AATK: variants seen among roughly 807,000 people sequenced by gnomAD.
AATK encodes lemur tail kinase 1, also known as serine/threonine-protein kinase LMTK1.
AATK carries 91 observed loss-of-function variants against 114.3 expected under a neutral mutation model. That is an observed-to-expected ratio of 0.80 (90% CI 0.67 to 0.95). The LOEUF (loss-of-function observed/expected upper bound fraction) is 0.95, where lower values mean the gene tolerates loss of function less well. Among genes scored for constraint, AATK ranks in the 40% least tolerant of loss-of-function variants. AATK has a pLI of 0.00. For missense variants in AATK, 2,176 were observed against 1,965.2 expected (o/e 1.11, Z -2.03); for synonymous variants, 1,075 against 916.5 (o/e 1.17, Z -3.12).
chr17:81,149,235 AC>A (rs2061263597), intron 1 of AATK, among the ~76,000 whole-genome samples: 1 of 151,464 alleles, frequency 6.6e-6, no homozygotes, highest in Non-Finnish European at 1.5e-5. Context: ...CCCTTCCCTG[AC>A]CCCAGCACAT....
chr17:81,157,332 G>GCA (rs1255321787), intron 1 of AATK, among the ~76,000 whole-genome samples: 2 of 152,222 alleles, frequency 1.3e-5, no homozygotes, highest in Non-Finnish European at 2.9e-5. Context: ...ACCAGCCCAT[G>GCA]CACACGCTCG....
rs563590095 is a variant in AATK at position 81,128,520 on chromosome 17, G to A, written c.364C>T (p.Arg122Trp). ...VQLLKSTDVGRHSLLYLKEIG... is the reference protein window; with the variant it reads ...VQLLKSTDVGWHSLLYLKEIG... ...TCCTTCAGGTACAGGAGGCTGTGCC[G>A]GCCCACGTCTGTGGACTTGAGGAGC... The change falls in exon 4 of 14, where the codon CGG becomes TGG. Residue 122 changes from arginine to tryptophan, a missense_variant. Transcript: ENST00000326724. 58 of 1,549,322 alleles carry A rather than the reference G, an allele frequency of 3.7e-5. No homozygotes were observed. Among genetic ancestry groups the A allele is most frequent in the Non-Finnish European group, 4.7e-5 (54 of 1,146,904 alleles).
intron 1 of AATK, among the ~76,000 whole-genome samples, chr17:81,153,782 A>G (rs2061327126): frequency 6.6e-6 from 1 of 152,180 alleles, no homozygotes; most frequent in South Asian, 2.1e-4. Context: ...TCACAGAAGA[A>G]TTTCAAAAAG....
chr17:81,131,456 A>T (rs559443449), intron 2 of AATK, among the ~76,000 whole-genome samples: 1 of 152,300 alleles, frequency 6.6e-6, no homozygotes, highest in Non-Finnish European at 1.5e-5. Flanking sequence ...GAGGGGCCAG[A>T]GGCAGATCCC....
In AATK at chr17:81,122,619, C is replaced by T. The variant is rs2060714133; in HGVS notation, c.1317G>A (p.Val439=). Residue 439 remains valine (V), a synonymous_variant, in exon 11 of 14, where the codon GTG becomes GTA. Coordinates refer to ENST00000326724, the MANE Select transcript of AATK (RefSeq NM_001080395.3). ...GAAGPMLGGV[V]ELAAASSFPL... is the part of the protein sequence containing the mutation. ...GGAAGGACGAGGCAGCGGCGAGCTCCACCACGCCGCCCAGCATGGGCCCCG... is the reference window on the plus strand; with the variant it reads ...GGAAGGACGAGGCAGCGGCGAGCTCTACCACGCCGCCCAGCATGGGCCCCG... 7.0e-7 allele frequency: 1 copy of T among 1,419,648 alleles called. No individual in the cohort carries two copies. The highest frequency in any genetic ancestry group is 9.3e-7 in the Non-Finnish European group (1 of 1,076,738). The allele number at this position is 1,419,648 out of a possible 1,614,324, so 87.9% of individuals were successfully genotyped here.
chr17:81,162,151 G>A (rs540875215), intron 1 of AATK, among the ~76,000 whole-genome samples: 26 of 152,050 alleles, frequency 1.7e-4, no homozygotes, highest in East Asian at 1.6e-3. Flanking sequence ...AGCCGGACCC[G>A]TGCCCAGGGC....
chr17:81,125,161 G>A lies in AATK; in HGVS notation c.756-147C>T. On this transcript the variant is annotated intron_variant, in intron 7 of 13. Coordinates refer to ENST00000326724, the MANE Select transcript of AATK (RefSeq NM_001080395.3). ...AACACTTGGATGGCTCACAGTCCAG[G>A]CTGGAAGGGGCGTTGGAGACACTGC... is the stretch of plus-strand genomic sequence containing the variant. The A allele has an allele frequency of 4.1e-6, 3 of 739,210 alleles. No individual in the cohort carries two copies. The South Asian group carries it at 5.3e-5, about 13-fold the overall frequency. 45.8% of individuals were successfully genotyped at this position (739,210 alleles called of 1,614,324 possible).
In AATK at chr17:81,156,107, A is replaced by T. The variant is rs931583139; in HGVS notation, c.55+9831T>A. On this transcript the variant is annotated intron_variant, in intron 1 of 13. Transcript: ENST00000326724. ...CAATGTATGTTACAATGTATGTTAC[A>T]ATGTATGTTACTATGTTACAATGTA... Among the ~76,000 whole-genome samples, 4 of 142,148 alleles carry T rather than the reference A, an allele frequency of 2.8e-5. No homozygotes were observed. In the East Asian group the frequency reaches 6.0e-4, roughly 21 times the overall value. The allele number at this position is 142,148 out of a possible 152,430, so 93.3% of individuals were successfully genotyped here. A position where few individuals can be genotyped will look rare whatever the true frequency, so the allele number is the denominator to read the frequency against.
chr17:81,123,790 G>C (rs2060738278), intron 9 of AATK, among the ~76,000 whole-genome samples: 1 of 152,160 alleles, frequency 6.6e-6, no homozygotes, highest in African/African-American at 2.4e-5. Flanking sequence ...CATGGGCAGG[G>C]CTGGGTAACA....
chr17:81,157,945 A>C (rs1030271625), intron 1 of AATK, among the ~76,000 whole-genome samples: 1 of 152,214 alleles, frequency 6.6e-6, no homozygotes, highest in Admixed American at 6.5e-5. Flanking sequence ...CCCGGCCCTG[A>C]CACAGCCGGG....
chr17:81,136,581 T>TGGCCCTGGGGCAC (rs1392515563), intron 1 of AATK, among the ~76,000 whole-genome samples: 3 of 152,168 alleles, frequency 2.0e-5, no homozygotes, highest in Admixed American at 1.3e-4. Flanking sequence ...CTGAGGCAGC[T>TGGCCCTGGGGCAC]GGCCCTGGGG....
At chr17:81,150,941 T>G (rs1188763939) in intron 1 of AATK, among the ~76,000 whole-genome samples, 1 of 151,978 alleles carries the variant, frequency 6.6e-6, no homozygotes, top group Non-Finnish European at 1.5e-5. Context: ...TGTCCAGGGG[T>G]CAGGCCAGTG....
At chr17:81,141,083 A>G (rs1457991120) in intron 1 of AATK, among the ~76,000 whole-genome samples, 4 of 150,664 alleles carry the variant, frequency 2.7e-5, no homozygotes, top group Non-Finnish European at 4.4e-5. Flanking sequence ...GGAGCCGTGG[A>G]TGCAAGGGGC....
chr17:81,138,232 C>G (rs548707563), intron 1 of AATK, among the ~76,000 whole-genome samples: 14 of 151,304 alleles, frequency 9.3e-5, no homozygotes, highest in African/African-American at 3.2e-4. Flanking sequence ...TCCACCCACA[C>G]GCACATACCC....
At chr17:81,120,168 G>A (rs758843423) in intron 11 of AATK, 33 bp downstream of exon 11, 4 of 1,541,660 alleles carry the variant, frequency 2.6e-6, no homozygotes, top group Non-Finnish European at 2.6e-6. Flanking sequence ...GCGACCCCCA[G>A]CCCCGGGCAG....
In AATK at chr17:81,121,919, C is replaced by T. The variant is rs1445490482; in HGVS notation, c.2017G>A (p.Ala673Thr). The T allele has an allele frequency of 1.9e-6, 3 of 1,600,146 alleles. No homozygotes were observed. The highest frequency in any genetic ancestry group is 1.1e-5 in the South Asian group (1 of 90,918). Residue 673 changes from alanine to threonine, a missense_variant, in exon 11 of 14, where the codon GCC (alanine) becomes ACC (threonine). Ala to Thr is a moderately conservative substitution (Grantham distance 58). Around this residue, in one of 4 missense-constraint regions of AATK, gnomAD observed 1,701 missense variants for 1,394.7 expected, o/e 1.22. Transcript: ENST00000326724. The part of the protein sequence containing the change: ...ELEEVGARRA[A>T]QRGHWRSNVS... Reference sequence around the variant, plus strand: ...TTGGAGCGCCAGTGCCCGCGCTGGGCGGCCCTCCGCGCTCCCACCTCCTCT... The same window carrying T: ...TTGGAGCGCCAGTGCCCGCGCTGGGTGGCCCTCCGCGCTCCCACCTCCTCT...
chr17:81,141,690 C>G (rs1203120050), intron 1 of AATK, among the ~76,000 whole-genome samples: 1 of 152,074 alleles, frequency 6.6e-6, no homozygotes, highest in African/African-American at 2.4e-5. Context: ...CCCAGAGGGC[C>G]GCCATCAGTC....
rs759067734 is a variant in AATK, at chr17:81,127,627, C to T, written c.577G>A (p.Ala193Thr). The change falls in exon 6 of 14, where the codon GCC (alanine) becomes ACC (threonine). Residue 193 changes from alanine to threonine, a missense_variant. Around this residue, in one of 4 missense-constraint regions of AATK, gnomAD observed 273 missense variants for 344.1 expected, o/e 0.79. Coordinates refer to ENST00000326724, the MANE Select transcript of AATK (RefSeq NM_001080395.3). ...SNLLQCLAQC[A>T]EVTPYLLVME... ...ACCAGCAGGTAGGGCGTCACCTCGG[C>T]GCACTGGGCCAGGCACTGGAGCAGG... 20 of 1,601,148 alleles carry T rather than the reference C, an allele frequency of 1.2e-5. No homozygotes were observed. Among genetic ancestry groups the T allele is most frequent in the East Asian group, 6.8e-5 (3 of 44,338 alleles).
Position 81,121,675 on chromosome 17 carries a change from A to G in AATK, c.2261T>C (p.Leu754Pro). Residue 754 changes from leucine (L) to proline (P), a missense_variant, in exon 11 of 14, where the codon CTG becomes CCG. This residue lies in a region of AATK where 1,701 missense variants were observed against 1,394.7 expected (regional missense o/e 1.22). Transcript: ENST00000326724. The part of the protein sequence containing the change: ...GLPHLCSAQG[L>P]APAPCLVTPS... Reference sequence around the variant, plus strand: ...TGTAACCAGGCAGGGAGCAGGTGCCAGGCCCTGGGCAGAGCATAGATGAGG... The same window carrying G: ...TGTAACCAGGCAGGGAGCAGGTGCCGGGCCCTGGGCAGAGCATAGATGAGG... 6.7e-7 allele frequency: 1 copy of G among 1,499,380 alleles called. No individual in the cohort carries two copies. The highest frequency in any genetic ancestry group is 2.4e-5 in the East Asian group (1 of 41,746). The allele number at this position is 1,499,380 out of a possible 1,614,324, so 92.9% of individuals were successfully genotyped here.
Sources: gnomAD v4.1 joint callset for allele counts (sites outside exome capture counted in the v4.1 genomes callset) on GRCh38, gnomAD v4.1.1 for gene constraint, gnomAD v4.1.1 regional missense constraint, MANE v1.5 for transcripts, NCBI Gene and HGNC (gene_info 2026-07-23, HGNC 2026-07-21) for gene names.